The following CPQ variants were observed in gnomAD, a reference collection of about 807,000 sequenced individuals.
CPQ encodes carboxypeptidase Q.
A neutral mutation model predicts 45.7 loss-of-function variants in CPQ; 37 were observed. That is an observed-to-expected ratio of 0.81 (90% CI 0.62 to 1.07). The LOEUF is 1.07. Among genes scored for constraint, CPQ ranks in the 50% least tolerant of loss-of-function variants. The pLI, the probability that CPQ is intolerant of heterozygous loss-of-function variation, is 0.00. For synonymous variants in CPQ, 186 were observed against 205.8 expected, an observed-to-expected ratio of 0.90 and a Z score of 0.82; for missense variants, 537 against 572.9, an observed-to-expected ratio of 0.94 and a Z score of 0.64.
At chr8:96,783,360 A>G (rs946208915) in intron 1 of CPQ, among the ~76,000 whole-genome samples, 1 of 152,058 alleles carries the variant, frequency 6.6e-6, no homozygotes, top group African/African-American at 2.4e-5. Context: ...TCTGCAGGCT[A>G]AACAGTCCAA....
At chr8:97,023,043 T>TATATATATACAGTATATATACAGC (rs1436188952) in intron 5 of CPQ, among the ~76,000 whole-genome samples, 9 of 142,350 alleles carry the variant, frequency 6.3e-5, no homozygotes, top group Non-Finnish European at 1.2e-4. Flanking sequence ...ATATATACAG[T>TATATATATACAGTATATATACAGC]ATATATACTG....
chr8:96,932,330 A>G (rs1812985163), intron 4 of CPQ, among the ~76,000 whole-genome samples: 1 of 152,196 alleles, frequency 6.6e-6, no homozygotes, highest in African/African-American at 2.4e-5. Context: ...TTACATATAC[A>G]TGTTCTCATA....
intron 2 of CPQ, among the ~76,000 whole-genome samples, chr8:96,805,874 A>G (rs907222222): frequency 5.9e-5 from 9 of 151,756 alleles, no homozygotes; most frequent in Non-Finnish European, 1.0e-4. Context: ...TCCCTCCACC[A>G]TAGAACTTGG....
At chr8:96,801,612 T>C (rs1811008370) in intron 2 of CPQ, among the ~76,000 whole-genome samples, 1 of 152,238 alleles carries the variant, frequency 6.6e-6, no homozygotes, top group Non-Finnish European at 1.5e-5. Context: ...ATATAGTCCC[T>C]AGCATGGTGA....
intron 4 of CPQ, among the ~76,000 whole-genome samples, chr8:96,964,451 A>G (rs1290967399): frequency 6.6e-6 from 1 of 152,156 alleles, no homozygotes; most frequent in African/African-American, 2.4e-5. Flanking sequence ...CCCTAATGAT[A>G]ATGAAGCTGA....
intron 5 of CPQ, among the ~76,000 whole-genome samples, chr8:97,010,618 G>A (rs183344371): frequency 1.4e-4 from 21 of 152,188 alleles, no homozygotes; most frequent in African/African-American, 5.1e-4. Context: ...AGCATCAGTG[G>A]AACTGTAAAT....
chr8:96,816,365 C>T (rs1811228766), intron 2 of CPQ, among the ~76,000 whole-genome samples: 1 of 152,150 alleles, frequency 6.6e-6, no homozygotes, highest in Non-Finnish European at 1.5e-5. Flanking sequence ...GTCATATCTT[C>T]AGGCTCCACT....
intron 7 of CPQ, among the ~76,000 whole-genome samples, chr8:97,089,861 C>G (rs1230045809): frequency 2.0e-5 from 3 of 152,088 alleles, no homozygotes; most frequent in Non-Finnish European, 4.4e-5. Context: ...GCAAAGACTC[C>G]TGAGCCCAAT....
At chr8:96,715,434 CT>C (rs1809661237) in intron 1 of CPQ, among the ~76,000 whole-genome samples, 1 of 152,162 alleles carries the variant, frequency 6.6e-6, no homozygotes, top group African/African-American at 2.4e-5. Flanking sequence ...GACTCTACTC[CT>C]TGTGCAAGCC....
intron 5 of CPQ, among the ~76,000 whole-genome samples, chr8:96,971,458 G>C (rs1040307924): frequency 6.6e-6 from 1 of 152,294 alleles, no homozygotes; most frequent in East Asian, 1.9e-4. Flanking sequence ...GGCCCCAGAT[G>C]AATCAGAATT....
chr8:96,921,215 C>T lies in CPQ; in HGVS notation c.849+41210C>T, dbSNP rs193134266. On this transcript the variant is annotated intron_variant, in intron 4 of 7. Transcript: ENST00000220763. ...TTCTTTTTATGTTTCTCATTTCTCT[C>T]CCCCTTTACTGTGAATGTAGAGCAT... Among the ~76,000 whole-genome samples, 633 of 152,196 alleles carry T rather than the reference C, an allele frequency of 4.2e-3. 6 individuals are homozygous for T. The highest frequency in any genetic ancestry group is 4.3e-3 in the Non-Finnish European group (294 of 68,012).
At chr8:96,963,304 G>A (rs1430719640) in intron 4 of CPQ, among the ~76,000 whole-genome samples, 1 of 152,158 alleles carries the variant, frequency 6.6e-6, no homozygotes, top group African/African-American at 2.4e-5. Context: ...GTCCCACATG[G>A]GATTACACCA....
At chr8:96,794,641 AT>A (rs1248229982) in intron 2 of CPQ, among the ~76,000 whole-genome samples, 3 of 152,156 alleles carry the variant, frequency 2.0e-5, no homozygotes, top group African/African-American at 7.2e-5. Flanking sequence ...TTACTATCAC[AT>A]TGTCAGGCTG....
At chr8:96,811,255 TA>T (rs141560313) in intron 2 of CPQ, among the ~76,000 whole-genome samples, 2,958 of 152,178 alleles carry the variant, frequency 0.019, 106 homozygotes, top group African/African-American at 0.068. Context: ...CGTATTCTTT[TA>T]AAAAAATAAT....
chr8:96,990,322 C>T (rs921986484), intron 5 of CPQ, among the ~76,000 whole-genome samples: 1 of 152,084 alleles, frequency 6.6e-6, no homozygotes, highest in African/African-American at 2.4e-5. Context: ...TTGTCTTTTC[C>T]ACAGCAGTCC....
In CPQ at chr8:97,045,820, A is replaced by C. The variant is rs369730626; in HGVS notation, c.1053+16326A>C. 9.8e-5 allele frequency among the ~76,000 whole-genome samples: 15 copies of C among 152,348 alleles called. No homozygotes were observed. In the East Asian group the frequency reaches 2.7e-3, roughly 27 times the overall value. ...CATCAAAGAGTGGTCTCTCTAAGACAGCTTGAGGAGTGCACGAGCAGAAGT... is the reference window on the plus strand; with the variant it reads ...CATCAAAGAGTGGTCTCTCTAAGACCGCTTGAGGAGTGCACGAGCAGAAGT... On this transcript the variant is annotated intron_variant, in intron 6 of 7. Coordinates refer to ENST00000220763, the MANE Select transcript of CPQ (RefSeq NM_016134.4).
intron 7 of CPQ, among the ~76,000 whole-genome samples, chr8:97,068,448 A>G (rs913791849): frequency 1.3e-5 from 2 of 152,118 alleles, no homozygotes; most frequent in Non-Finnish European, 2.9e-5. Context: ...CCTGACCAAC[A>G]TGGTGAAACC....
chr8:96,787,663 T>C (rs1044124535), intron 2 of CPQ, among the ~76,000 whole-genome samples: 1 of 151,366 alleles, frequency 6.6e-6, no homozygotes, highest in Non-Finnish European at 1.5e-5. Context: ...AAATTTCTGG[T>C]AGAATTCACC....
At chr8:96,839,319 C>T (rs1486211411) in intron 3 of CPQ, among the ~76,000 whole-genome samples, 3 of 152,020 alleles carry the variant, frequency 2.0e-5, no homozygotes, top group Non-Finnish European at 4.4e-5. Context: ...TATTGTTATT[C>T]TCTGTGTTGC....
Sources: gnomAD v4.1 joint callset for allele counts (sites outside exome capture counted in the v4.1 genomes callset) on GRCh38, gnomAD v4.1.1 for gene constraint, MANE v1.5 for transcripts, NCBI Gene and HGNC (gene_info 2026-07-23, HGNC 2026-07-21) for gene names.